Variants in NEXMIF observed in about 807,000 individuals in gnomAD.
NEXMIF encodes neurite extension and migration factor, also known as XLMR protein related to neurite extension.
NEXMIF carries 8 observed loss-of-function variants against 62.1 expected under a neutral mutation model. The ratio of observed to expected loss-of-function variants is 0.13; its 90% CI spans 0.08 to 0.23. The LOEUF is 0.23. Among genes scored for constraint, NEXMIF ranks in the 10% least tolerant of loss-of-function variants. The pLI is 1.00. For missense variants in NEXMIF, 976 were observed against 1,113.3 expected (o/e 0.88, Z 1.75); for synonymous variants, 404 against 416.6 (o/e 0.97, Z 0.37).
At chrX:74,903,321 G>A (rs1428211366) in intron 1 of NEXMIF, among the ~76,000 whole-genome samples, 2 of 48,059 alleles carry the variant, frequency 4.2e-5, no homozygotes, top group Non-Finnish European at 7.5e-5. Flanking sequence ...CTGATTCTCA[G>A]GCATACACAC....
At chrX:74,903,973 TG>T (rs1221831073) in intron 1 of NEXMIF, among the ~76,000 whole-genome samples, 2 of 109,049 alleles carry the variant, frequency 1.8e-5, no homozygotes. Flanking sequence ...TAGTAAGTGC[TG>T]AAGAAGTTTT....
At chrX:74,788,370 T>C (rs1211106130) in intron 1 of NEXMIF, among the ~76,000 whole-genome samples, 1 of 111,835 alleles carries the variant, frequency 8.9e-6, no homozygotes, top group Admixed American at 9.6e-5. Context: ...ATCATTCATA[T>C]TTGTATGATG....
In NEXMIF at chrX:74,740,766, T is replaced by C. The variant is rs759902244; in HGVS notation, c.3791A>G (p.His1264Arg). Residue 1264 changes from histidine (H) to arginine (R), a missense_variant, in exon 3 of 4, where the codon CAT becomes CGT. Around this residue, in one of 5 missense-constraint regions of NEXMIF, gnomAD observed 639 missense variants for 694.5 expected, o/e 0.92. Transcript: ENST00000055682. Reference protein sequence around the residue: ...TGKTLAECIQHGGPMASMKMP... With the variant: ...TGKTLAECIQRGGPMASMKMP... Reference sequence around the variant, plus strand: ...CTTCATAGAGGCCATAGGGCCACCATGTTGGATACATTCAGCCAATGTCTT... The same window carrying C: ...CTTCATAGAGGCCATAGGGCCACCACGTTGGATACATTCAGCCAATGTCTT... 4 of 1,212,052 alleles carry C rather than the reference T, an allele frequency of 3.3e-6. No homozygotes were observed. Among genetic ancestry groups the C allele is most frequent in the Non-Finnish European group, 4.5e-6 (4 of 895,466 alleles).
chrX:74,875,988 A>G (rs1233751510), intron 1 of NEXMIF, among the ~76,000 whole-genome samples: 3 of 109,409 alleles, frequency 2.7e-5, no homozygotes, highest in African/African-American at 1.0e-4. Context: ...TTGTGTCTCT[A>G]TTTCCTTCAG....
intron 1 of NEXMIF, among the ~76,000 whole-genome samples, chrX:74,853,081 GTTCT>G (rs1288180104): frequency 9.0e-6 from 1 of 110,835 alleles, no homozygotes. Context: ...ATATACCCTG[GTTCT>G]TTGTCACAGT....
intron 1 of NEXMIF, among the ~76,000 whole-genome samples, chrX:74,843,627 G>A (rs2080481422): frequency 9.0e-6 from 1 of 111,027 alleles, no homozygotes; most frequent in East Asian, 2.8e-4. Context: ...TGTTAGGGAG[G>A]ATGGTGTTGA....
intron 1 of NEXMIF, among the ~76,000 whole-genome samples, chrX:74,844,854 A>G (rs764972144): frequency 8.9e-6 from 1 of 112,431 alleles, no homozygotes; most frequent in South Asian, 3.7e-4. Flanking sequence ...AACATGAGAG[A>G]ACTAGGATAC....
At chrX:74,879,271 T>G (rs1300008074) in intron 1 of NEXMIF, among the ~76,000 whole-genome samples, 2 of 112,070 alleles carry the variant, frequency 1.8e-5, no homozygotes, top group Non-Finnish European at 1.9e-5. Flanking sequence ...GATGCATGAC[T>G]GTATTGAATA....
In NEXMIF at chrX:74,743,502, C is replaced by T. The variant is rs780737990; in HGVS notation, c.1055G>A (p.Ser352Asn). 3 of 1,211,435 alleles carry T rather than the reference C, an allele frequency of 2.5e-6. No homozygotes were observed. The highest frequency in any genetic ancestry group is 3.4e-6 in the Non-Finnish European group (3 of 895,485). ...FTTCPKRESK[S>N]GALKQSSDFS... ...ATCACTGCTCTGCTTCAGGGCCCCA[C>T]TCTTAGACTCTCGCTTGGGGCAGGT... Residue 352 changes from serine (S) to asparagine (N), a missense_variant, in exon 3 of 4, where the codon AGT (serine) becomes AAT (asparagine). Physicochemically the swap from Ser to Asn is conservative, Grantham distance 46. This residue lies in a region of NEXMIF where 639 missense variants were observed against 694.5 expected (regional missense o/e 0.92). Transcript: ENST00000055682.
chrX:74,921,777 G>C (rs2080827951), intron 1 of NEXMIF, among the ~76,000 whole-genome samples: 1 of 111,165 alleles, frequency 9.0e-6, no homozygotes, highest in Admixed American at 9.5e-5. Context: ...GGAAAAACAA[G>C]GAAGCCAAAT....
intron 1 of NEXMIF, among the ~76,000 whole-genome samples, chrX:74,780,419 C>T (rs1238888434): frequency 3.7e-5 from 4 of 108,602 alleles, no homozygotes; most frequent in Admixed American, 9.8e-5. Flanking sequence ...CTCTGTCACC[C>T]AGGCTGGAGT....
At chrX:74,873,399 G>A (rs1047088704) in intron 1 of NEXMIF, among the ~76,000 whole-genome samples, 5 of 111,777 alleles carry the variant, frequency 4.5e-5, no homozygotes, top group African/African-American at 6.5e-5. Context: ...ATTGTTGGAT[G>A]TTTGGGTTGG....
At chrX:74,768,736 C>T (rs752166830) in intron 1 of NEXMIF, among the ~76,000 whole-genome samples, 3 of 112,197 alleles carry the variant, frequency 2.7e-5, no homozygotes, top group Non-Finnish European at 5.6e-5. Context: ...AGAAGCTGGA[C>T]TAGATAATTT....
intron 2 of NEXMIF, among the ~76,000 whole-genome samples, chrX:74,744,883 C>T (rs2080120697): frequency 9.4e-6 from 1 of 106,747 alleles, no homozygotes; most frequent in Admixed American, 1.0e-4. Flanking sequence ...TCTACAAGTT[C>T]CTTTTCTTTT....
intron 1 of NEXMIF, among the ~76,000 whole-genome samples, chrX:74,753,736 C>G (rs1049008499): frequency 1.0e-4 from 11 of 109,637 alleles, no homozygotes; most frequent in Non-Finnish European, 2.1e-4. Flanking sequence ...CACACACACA[C>G]ACAGGACATT....
At chrX:74,847,461 A>C (rs2080496002) in intron 1 of NEXMIF, among the ~76,000 whole-genome samples, 1 of 112,278 alleles carries the variant, frequency 8.9e-6, no homozygotes, top group Non-Finnish European at 1.9e-5. Flanking sequence ...CCACCCTCAA[A>C]GGAAAAAGGA....
chrX:74,883,711 G>C (rs1304444691), intron 1 of NEXMIF, among the ~76,000 whole-genome samples: 1 of 112,034 alleles, frequency 8.9e-6, no homozygotes, highest in Non-Finnish European at 1.9e-5. Context: ...AACCAAGCTG[G>C]AAAACACTCT....
chrX:74,751,693 T>TCTTC (rs1277520981), intron 1 of NEXMIF, among the ~76,000 whole-genome samples: 4 of 73,935 alleles, frequency 5.4e-5, no homozygotes, highest in African/African-American at 5.3e-5. Context: ...CTCCCTCTTT[T>TCTTC]CTTCCTTCCT....
Position 74,858,613 on chromosome X carries a change from C to T in NEXMIF, c.-48+66270G>A, listed in dbSNP as rs751336382. ...CACACTTAATTCTTCAATTAGTAGA[C>T]ACGGATGAATGTCCACAAGCTTAAA... On this transcript the variant is annotated intron_variant, in intron 1 of 3. Coordinates refer to ENST00000055682, the MANE Select transcript of NEXMIF (RefSeq NM_001008537.3). Among the ~76,000 whole-genome samples the T allele has an allele frequency of 1.6e-3, 175 of 111,139 alleles. 1 individual carries two copies. The highest frequency in any genetic ancestry group is 5.4e-3 in the African/African-American group (165 of 30,546).
Sources: gnomAD v4.1 joint callset for allele counts (sites outside exome capture counted in the v4.1 genomes callset) on GRCh38, gnomAD v4.1.1 for gene constraint, gnomAD v4.1.1 regional missense constraint, MANE v1.5 for transcripts, NCBI Gene and HGNC (gene_info 2026-07-23, HGNC 2026-07-21) for gene names.